SNX27: variants seen among roughly 807,000 people sequenced by gnomAD.
The protein encoded by SNX27 is sorting nexin 27.
SNX27 carries 22 observed loss-of-function variants against 71.6 expected under a neutral mutation model. The ratio of observed to expected loss-of-function variants is 0.31; its 90% CI spans 0.22 to 0.44. The LOEUF (loss-of-function observed/expected upper bound fraction) is 0.44, where lower values mean the gene tolerates loss of function less well. SNX27 is among the 20% of genes least tolerant of loss of function. SNX27 has a pLI of 1.00. For missense variants in SNX27, 531 were observed against 698.6 expected, an observed-to-expected ratio of 0.76 and a Z score of 2.70; for synonymous variants, 269 against 277.2, an observed-to-expected ratio of 0.97 and a Z score of 0.29.
At chr1:151,644,020 T>C (rs1371789166) in intron 2 of SNX27, among the ~76,000 whole-genome samples, 2 of 152,196 alleles carry the variant, frequency 1.3e-5, no homozygotes, top group Non-Finnish European at 2.9e-5. Flanking sequence ...CACTGCACTC[T>C]AGTTTGGGCA....
At chr1:151,673,022 T>G (rs1475506285) in intron 7 of SNX27, among the ~76,000 whole-genome samples, 1 of 151,998 alleles carries the variant, frequency 6.6e-6, no homozygotes, top group Non-Finnish European at 1.5e-5. Flanking sequence ...TAATTGGGTT[T>G]GGTTTGCTCT....
rs1467368532 is a variant in SNX27 at position 151,612,323 on chromosome 1, C to T, written c.122C>T (p.Pro41Leu). Residue 41 changes from proline (P) to leucine (L), a missense_variant, in exon 1 of 12, where the codon CCG (proline) becomes CTG (leucine). Pro to Leu is a moderately conservative substitution (Grantham distance 98). Around this residue, in one of 5 missense-constraint regions of SNX27, gnomAD observed 130 missense variants for 143.5 expected, o/e 0.91. Transcript: ENST00000458013. This position sits in a 1 kb window ranked among gnomAD's most constrained non-coding sequence, Gnocchi z 5.2. Reference sequence around the variant, plus strand: ...AACGGCGGCGGGGGAGGCGGCGGCCCGCGGGTCGTGCGCATCGTCAAGTCC... The same window carrying T: ...AACGGCGGCGGGGGAGGCGGCGGCCTGCGGGTCGTGCGCATCGTCAAGTCC... ...AGNGGGGGGG[P>L]RVVRIVKSES... is the part of the protein sequence containing the mutation. 1 of 1,526,578 alleles carries T rather than the reference C, an allele frequency of 6.6e-7. No individual in the cohort carries two copies. Among genetic ancestry groups the T allele is most frequent in the East Asian group, 2.7e-5 (1 of 36,656 alleles). 94.6% of individuals were successfully genotyped at this position (1,526,578 alleles called of 1,614,324 possible). A position where few individuals can be genotyped will look rare whatever the true frequency, so the allele number is the denominator to read the frequency against.
Position 151,612,415 on chromosome 1 carries a change from G to T in SNX27, c.214G>T (p.Gly72Trp). The change falls in exon 1 of 12, where the codon GGG (glycine) becomes TGG (tryptophan). Residue 72 changes from glycine (G) to tryptophan (W), a missense_variant. By Grantham distance (184) the Gly-to-Trp change is radical (BLOSUM62 -2). Transcript: ENST00000458013. This position sits in a 1 kb window ranked among gnomAD's most constrained non-coding sequence, Gnocchi z 5.2. The stretch of plus-strand genomic sequence containing the variant: ...GGGCGGGCAACTGCGGAGCATCAAC[G>T]GGGAGCTGTACGCGCCGCTGCAGCA... Reference protein sequence around the residue: ...SEGGQLRSINGELYAPLQHVS... With the variant: ...SEGGQLRSINWELYAPLQHVS... 6.6e-7 allele frequency: 1 copy of T among 1,510,842 alleles called. No individual in the cohort carries two copies. The highest frequency in any genetic ancestry group is 8.8e-7 in the Non-Finnish European group (1 of 1,131,814). The allele number at this position is 1,510,842 out of a possible 1,614,324, so 93.6% of individuals were successfully genotyped here. A position where few individuals can be genotyped will look rare whatever the true frequency, so the allele number is the denominator to read the frequency against.
intron 2 of SNX27, among the ~76,000 whole-genome samples, chr1:151,651,213 G>C (rs1345615787): frequency 6.6e-6 from 1 of 150,978 alleles, no homozygotes; most frequent in Admixed American, 6.6e-5. Context: ...CGGGCGGGGC[G>C]GCTGGCCGGG....
At chr1:151,691,531 C>T (rs1176065852) in intron 8 of SNX27, among the ~76,000 whole-genome samples, 3 of 142,500 alleles carry the variant, frequency 2.1e-5, no homozygotes, top group Admixed American at 1.4e-4. Context: ...AGTGCAGTGG[C>T]GCAATCTCAG....
At chr1:151,692,650 A>G in intron 9 of SNX27, 66 bp downstream of exon 9, 2 of 1,569,018 alleles carry the variant, frequency 1.3e-6, no homozygotes, top group Non-Finnish European at 1.7e-6. Flanking sequence ...CTTGCTTGTG[A>G]CGTTTTAATT....
chr1:151,686,969 A>G (rs527662114), intron 8 of SNX27, among the ~76,000 whole-genome samples: 8 of 152,256 alleles, frequency 5.3e-5, no homozygotes, highest in Non-Finnish European at 1.2e-4. Flanking sequence ...CAAATCTTCA[A>G]ATACAGAAGA....
intron 1 of SNX27, among the ~76,000 whole-genome samples, chr1:151,633,497 C>A (rs1052839435): frequency 1.3e-5 from 2 of 152,082 alleles, no homozygotes; most frequent in African/African-American, 4.8e-5. Context: ...GGGGTTTCGC[C>A]TTGTTGCCCA....
At chr1:151,674,918 C>T (rs2102706319) in intron 7 of SNX27, among the ~76,000 whole-genome samples, 1 of 151,118 alleles carries the variant, frequency 6.6e-6, no homozygotes, top group Middle Eastern at 3.6e-3. Context: ...GATCTCTTGA[C>T]CTTGTGATCT....
At chr1:151,681,627 A>G (rs1290202424) in intron 7 of SNX27, among the ~76,000 whole-genome samples, 4 of 152,084 alleles carry the variant, frequency 2.6e-5, no homozygotes, top group African/African-American at 9.7e-5. Flanking sequence ...TTGAGTACCA[A>G]ACATCATTGA....
chr1:151,677,433 T>G (rs978947815), intron 7 of SNX27: 1 of 152,096 alleles, frequency 6.6e-6, no homozygotes, highest in Non-Finnish European at 1.5e-5. Flanking sequence ...TAGCTAGGAG[T>G]CAGAATATCT....
intron 8 of SNX27, among the ~76,000 whole-genome samples, chr1:151,688,556 C>T (rs1369122927): frequency 2.0e-5 from 3 of 148,688 alleles, no homozygotes; most frequent in South Asian, 2.1e-4. Flanking sequence ...TGCTTGAACC[C>T]GGGAGGCGGA....
At chr1:151,625,159 TTATTAATACGCGC>T (rs1667864259) in intron 1 of SNX27, among the ~76,000 whole-genome samples, 1 of 152,218 alleles carries the variant, frequency 6.6e-6, no homozygotes. Context: ...AACTTTATTG[TTATTAATACGCGC>T]TTTTGCCCAG....
rs1214593827 is a variant in SNX27 at position 151,695,102 on chromosome 1, C to A, written c.*685C>A. On this transcript the variant is annotated 3_prime_UTR_variant, in exon 12 of 12. Coordinates refer to ENST00000458013, the MANE Select transcript of SNX27 (RefSeq NM_001330723.2). ...CATGGGTTGCCATAGAGTCTAGGAA[C>A]AAGGAGTATAGTTTCTTTATCTTCC... 3.3e-5 allele frequency: 5 copies of A among 152,604 alleles called. No individual in the cohort carries two copies. In the East Asian group the frequency reaches 7.7e-4, roughly 24 times the overall value. 9.5% of individuals were successfully genotyped at this position (152,604 alleles called of 1,614,324 possible).
intron 1 of SNX27, among the ~76,000 whole-genome samples, chr1:151,634,199 C>A (rs368710434): frequency 2.0e-5 from 3 of 152,242 alleles, no homozygotes; most frequent in South Asian, 4.1e-4. Flanking sequence ...TAGCCATCTA[C>A]AAAATTGAAA....
intron 1 of SNX27, among the ~76,000 whole-genome samples, chr1:151,638,601 TCA>T (rs1668576822): frequency 6.6e-6 from 1 of 152,316 alleles, no homozygotes; most frequent in Non-Finnish European, 1.5e-5. Flanking sequence ...TGTTTCCTCC[TCA>T]GCTTCAGCCT....
In SNX27 at chr1:151,666,337, A is replaced by G. The variant is rs556822082; in HGVS notation, c.985+326A>G. 212 of 193,050 alleles carry G rather than the reference A, an allele frequency of 1.1e-3. 1 individual carries two copies. The highest frequency in any genetic ancestry group is 4.3e-3 in the African/African-American group (188 of 43,230). 12.0% of individuals were successfully genotyped at this position (193,050 alleles called of 1,614,324 possible). Reference sequence around the variant, plus strand: ...GTTCTATTTAGCCACATGTTGTTTTAGTGTACTTTATAGGATTTTTGTAAA... The same window carrying G: ...GTTCTATTTAGCCACATGTTGTTTTGGTGTACTTTATAGGATTTTTGTAAA... On this transcript the variant is annotated intron_variant, in intron 6 of 11. Coordinates refer to ENST00000458013, the MANE Select transcript of SNX27 (RefSeq NM_001330723.2).
intron 1 of SNX27, 98 bp from the exon 2 acceptor site, chr1:151,638,790 A>C: frequency 8.5e-6 from 9 of 1,061,402 alleles, no homozygotes; most frequent in Non-Finnish European, 1.3e-5. Flanking sequence ...TTCATGGTTC[A>C]TACCGTGTGA....
intron 7 of SNX27, among the ~76,000 whole-genome samples, chr1:151,682,479 G>A (rs961266668): frequency 1.3e-5 from 2 of 152,046 alleles, no homozygotes; most frequent in African/African-American, 2.4e-5. Flanking sequence ...CTGCCACCAT[G>A]CCCAGCTAAT....
Sources: allele counts gnomAD v4.1 joint callset (sites outside exome capture counted in the v4.1 genomes callset), GRCh38; gene constraint gnomAD v4.1.1; regional missense constraint gnomAD v4.1.1; non-coding constraint Gnocchi (gnomAD v3.1); transcripts MANE v1.5; gene names NCBI Gene and HGNC (gene_info 2026-07-23, HGNC 2026-07-21).